The following MTUS2 variants were observed in gnomAD, a reference collection of about 807,000 sequenced individuals.
MTUS2 encodes the protein microtubule-associated tumor suppressor candidate 2.
In MTUS2, 40 loss-of-function variants were observed where a neutral mutation model predicts 114.1. The observed-to-expected ratio is 0.35, with a 90% CI of 0.27 to 0.46. MTUS2 has a LOEUF of 0.46. MTUS2 is among the 20% of genes least tolerant of loss of function. MTUS2 has a pLI of 1.00. For synonymous variants in MTUS2, 688 were observed against 672.0 expected, an observed-to-expected ratio of 1.02 and a Z score of -0.37; for missense variants, 1,679 against 1,705.4, an observed-to-expected ratio of 0.98 and a Z score of 0.27.
At position 29,492,103 on chromosome 13, in the gene MTUS2, GTA is replaced by G. The variant is rs551272133; in HGVS notation, c.3506-541_3506-540del. Among the ~76,000 whole-genome samples, 47 of 142,938 alleles carry G rather than the reference GTA, an allele frequency of 3.3e-4. No homozygotes were observed. The South Asian group carries it at 8.6e-3, about 26-fold the overall frequency. The allele number at this position is 142,938 out of a possible 152,430, so 93.8% of individuals were successfully genotyped here. ...GTGTATGTGAATGCGTGGTAGGTGT[GTA>G]TGTGTGTGGTGTGTGTGTGTATGTG... On this transcript the variant is annotated intron_variant, in intron 11 of 15. Transcript: ENST00000612955.
chr13:29,391,510 A>C (rs1873460855), intron 8 of MTUS2, among the ~76,000 whole-genome samples: 1 of 151,682 alleles, frequency 6.6e-6, no homozygotes, highest in South Asian at 2.1e-4. Context: ...GGAGAAGTCA[A>C]ATAGGTCTGA....
intron 5 of MTUS2, among the ~76,000 whole-genome samples, chr13:29,185,003 T>TA (rs982020962): frequency 6.6e-6 from 1 of 151,964 alleles, no homozygotes; most frequent in Admixed American, 6.6e-5. Flanking sequence ...TTCAAGTAAC[T>TA]AAAAGAAACC....
intron 5 of MTUS2, among the ~76,000 whole-genome samples, chr13:29,161,373 TTTA>T (rs1893089726): frequency 6.6e-6 from 1 of 151,872 alleles, no homozygotes; most frequent in South Asian, 2.1e-4. Flanking sequence ...AAAAAATAAT[TTTA>T]AAGTTATGAT....
In MTUS2 at chr13:29,359,374, G is replaced by A; in HGVS notation, c.3018G>A (p.Glu1006=). 4 of 1,613,434 alleles carry A rather than the reference G, an allele frequency of 2.5e-6. No homozygotes were observed. The highest frequency in any genetic ancestry group is 1.1e-5 in the South Asian group (1 of 90,944). ...TGCTGCGGCTGAAGGAGCGGTGTGAGCAGCAGACCAGACAGCTGGGCGTTG... is the reference window on the plus strand; with the variant it reads ...TGCTGCGGCTGAAGGAGCGGTGTGAACAGCAGACCAGACAGCTGGGCGTTG... ...QLVLRLKERC[E]QQTRQLGVAQ... The change falls in exon 8 of 16, where the codon GAG becomes GAA. Residue 1006 remains glutamate (E), a synonymous_variant. Coordinates refer to ENST00000612955, the MANE Select transcript of MTUS2 (RefSeq NM_001033602.4).
chr13:29,069,038 A>T (rs1888790876), intron 4 of MTUS2, among the ~76,000 whole-genome samples: 1 of 152,162 alleles, frequency 6.6e-6, no homozygotes, highest in Non-Finnish European at 1.5e-5. Context: ...GAATACCAGA[A>T]AGGACAGCCC....
chr13:29,150,213 C>G (rs958765285), intron 5 of MTUS2, among the ~76,000 whole-genome samples: 6 of 152,148 alleles, frequency 3.9e-5, no homozygotes, highest in African/African-American at 1.4e-4. Context: ...TTGTAGTTCT[C>G]CTTGAAGAGA....
intron 8 of MTUS2, among the ~76,000 whole-genome samples, chr13:29,363,735 A>G (rs531950127): frequency 3.3e-4 from 51 of 152,330 alleles, no homozygotes; most frequent in Non-Finnish European, 5.3e-4. Flanking sequence ...CAGTTCACAT[A>G]TATTAGTAGA....
intron 5 of MTUS2, among the ~76,000 whole-genome samples, chr13:29,238,708 A>G (rs147912704): frequency 6.6e-6 from 1 of 152,188 alleles, no homozygotes; most frequent in Non-Finnish European, 1.5e-5. Flanking sequence ...ACTGATTCAA[A>G]TGTTAATCTC....
intron 8 of MTUS2, among the ~76,000 whole-genome samples, chr13:29,425,097 C>G (rs1483306059): frequency 6.6e-6 from 1 of 152,114 alleles, no homozygotes; most frequent in Admixed American, 6.5e-5. Flanking sequence ...TAGGGTTTTG[C>G]TTAGAAAATA....
intron 9 of MTUS2, among the ~76,000 whole-genome samples, chr13:29,459,640 A>G (rs73446106): frequency 0.064 from 9,741 of 152,200 alleles, 350 homozygotes; most frequent in African/African-American, 0.085. Context: ...GAGGGTCTGG[A>G]GTGAGAGGGA....
intron 6 of MTUS2, among the ~76,000 whole-genome samples, chr13:29,304,631 C>G (rs1420951908): frequency 1.3e-5 from 2 of 152,186 alleles, no homozygotes; most frequent in African/African-American, 2.4e-5. Context: ...CATGCAGATT[C>G]ATAAAGCAAG....
At chr13:29,136,916 C>G (rs139902894) in intron 5 of MTUS2, among the ~76,000 whole-genome samples, 1 of 152,220 alleles carries the variant, frequency 6.6e-6, no homozygotes, top group African/African-American at 2.4e-5. Context: ...TAAGCCTCAG[C>G]CTGTGGGATG....
At chr13:29,197,753 C>T (rs543598507) in intron 5 of MTUS2, among the ~76,000 whole-genome samples, 88 of 152,120 alleles carry the variant, frequency 5.8e-4, no homozygotes, top group African/African-American at 2.0e-3. Context: ...ATTGCCATTC[C>T]AACTGGCGTG....
intron 7 of MTUS2, among the ~76,000 whole-genome samples, chr13:29,335,197 A>G (rs9579336): frequency 0.26 from 40,072 of 152,020 alleles, 5,974 homozygotes; most frequent in African/African-American, 0.41. Flanking sequence ...CTAAGGAGAG[A>G]TCTCTAAAAT....
rs1309388936 is a variant in MTUS2, at chr13:29,200,521, G to GGTTTTTTTTT, written c.2645-81183_2645-81182insGTTTTTTTTT. On this transcript the variant is annotated intron_variant, in intron 5 of 15. Coordinates refer to ENST00000612955, the MANE Select transcript of MTUS2 (RefSeq NM_001033602.4). ...TGGTTTTGAGTGAGTTTCTTTTTCT[G>GGTTTTTTTTT]TTTTTTTTTTTTTTTTGAGATGGAG... Among the ~76,000 whole-genome samples the GGTTTTTTTTT allele has an allele frequency of 7.3e-4, 62 of 85,406 alleles. 2 individuals carry two copies. The highest frequency in any genetic ancestry group is 2.9e-3 in the African/African-American group (59 of 20,206). The allele number at this position is 85,406 out of a possible 152,430, so 56.0% of individuals were successfully genotyped here.
At position 29,025,773 on chromosome 13, in the gene MTUS2, G is replaced by C; in HGVS notation, c.1075G>C (p.Ala359Pro). 1.2e-6 allele frequency: 2 copies of C among 1,614,034 alleles called. No homozygotes were observed. Among genetic ancestry groups the C allele is most frequent in the South Asian group, 2.2e-5 (2 of 91,088 alleles). ...CGEAHPEATD[A>P]LGHLLNSDLH... is the part of the protein sequence containing the mutation. ...GGAAGCACACCCGGAAGCCACCGAT[G>C]CACTTGGCCATCTGCTGAACAGTGA... The change falls in exon 3 of 16, where the codon GCA becomes CCA. Residue 359 changes from alanine to proline, a missense_variant. Ala to Pro is a conservative substitution (Grantham distance 27, BLOSUM62 -1). This residue lies in a region of MTUS2 where 843 missense variants were observed against 770.8 expected (regional missense o/e 1.09). Transcript: ENST00000612955.
intron 7 of MTUS2, among the ~76,000 whole-genome samples, chr13:29,342,562 A>G (rs1236507084): frequency 6.6e-6 from 1 of 152,080 alleles, no homozygotes; most frequent in African/African-American, 2.4e-5. Context: ...TTTTAGGATG[A>G]GGCTTTAGGG....
rs1000476188 is a variant in MTUS2, at chr13:29,195,269, G to A, written c.2645-86435G>A. Among the ~76,000 whole-genome samples, 105 of 118,096 alleles carry A rather than the reference G, an allele frequency of 8.9e-4. 1 individual carries two copies. In the East Asian group the frequency reaches 0.025, roughly 28 times the overall value. 77.5% of individuals were successfully genotyped at this position (118,096 alleles called of 152,430 possible). A position where few individuals can be genotyped will look rare whatever the true frequency, so the allele number is the denominator to read the frequency against. On this transcript the variant is annotated intron_variant, in intron 5 of 15. Transcript: ENST00000612955. Reference sequence around the variant, plus strand: ...AATAATAAAATAAAATAAAATAAAAGTAATACAGGTTTAGTGTAGGAAACT... The same window carrying A: ...AATAATAAAATAAAATAAAATAAAAATAATACAGGTTTAGTGTAGGAAACT...
intron 9 of MTUS2, among the ~76,000 whole-genome samples, chr13:29,471,742 G>C (rs1277800322): frequency 2.3e-4 from 30 of 131,628 alleles, no homozygotes; most frequent in Non-Finnish European, 2.6e-4. Context: ...TGCAGGCCCA[G>C]CCCCCCCCGA....
Sources: gnomAD v4.1 joint callset for allele counts (sites outside exome capture counted in the v4.1 genomes callset) on GRCh38, gnomAD v4.1.1 for gene constraint, gnomAD v4.1.1 regional missense constraint, MANE v1.5 for transcripts, NCBI Gene and HGNC (gene_info 2026-07-23, HGNC 2026-07-21) for gene names.